Variants in FRMD6 observed in about 807,000 individuals in gnomAD.
FRMD6 encodes FERM domain containing 6, also known as FERM domain-containing protein 6.
In FRMD6, 37 loss-of-function variants were observed where a neutral mutation model predicts 73.2. That is an observed-to-expected ratio of 0.51 (90% confidence interval 0.39 to 0.66). The LOEUF is 0.66. FRMD6 is among the 30% of genes least tolerant of loss of function. FRMD6 has a pLI of 0.00. For synonymous variants in FRMD6, 273 were observed against 282.2 expected (o/e 0.97, Z 0.33); for missense variants, 714 against 780.5 (o/e 0.91, Z 1.02).
chr14:51,590,367 AT>A, intron 2 of FRMD6, among the ~76,000 whole-genome samples: 1 of 151,720 alleles, frequency 6.6e-6, no homozygotes, highest in African/African-American at 2.4e-5. Flanking sequence ...TACCAATATC[AT>A]TTGGCTATTT....
the FRMD6 span, among the ~76,000 whole-genome samples, chr14:51,409,644 G>C: frequency 1.3e-5 from 2 of 152,066 alleles, no homozygotes; most frequent in Non-Finnish European, 2.9e-5. Flanking sequence ...TATCACCCAG[G>C]TTGGGGTGCA....
At chr14:51,420,377 T>C in the FRMD6 span, among the ~76,000 whole-genome samples, 40 of 152,274 alleles carry the variant, frequency 2.6e-4, no homozygotes, top group Admixed American at 3.9e-4. Context: ...AGAAAACTGA[T>C]ATTGAGGGTT....
At chr14:51,436,796 G>A in the FRMD6 span, 1 of 542,290 alleles carries the variant, frequency 1.8e-6, no homozygotes, top group Admixed American at 2.6e-5. Context: ...TGAAGAAGGA[G>A]AAGGAGAAGA....
intron 1 of FRMD6, among the ~76,000 whole-genome samples, chr14:51,664,036 T>C (rs1014882370): frequency 1.6e-4 from 24 of 152,220 alleles, no homozygotes; most frequent in Admixed American, 2.0e-4. Flanking sequence ...ACATGAACTT[T>C]TGGGGGACAC....
chr14:51,425,630 A>G, the FRMD6 span, among the ~76,000 whole-genome samples: 5 of 152,062 alleles, frequency 3.3e-5, no homozygotes, highest in Admixed American at 6.6e-5. Flanking sequence ...TCTTCCTAAA[A>G]TGTGTCCCCT....
chr14:51,511,742 G>A (rs1884324202), intron 1 of FRMD6, among the ~76,000 whole-genome samples: 2 of 152,094 alleles, frequency 1.3e-5, no homozygotes, highest in African/African-American at 4.8e-5. Context: ...GGTGGACTAG[G>A]GGAGGGATAG....
At chr14:51,630,929 G>A (rs536115024) in intron 2 of FRMD6, among the ~76,000 whole-genome samples, 1 of 152,114 alleles carries the variant, frequency 6.6e-6, no homozygotes, top group South Asian at 2.1e-4. Context: ...GCTGCCATAT[G>A]TATATGCATA....
At chr14:51,690,441 A>G (rs1005523981) in intron 2 of FRMD6, among the ~76,000 whole-genome samples, 1 of 152,118 alleles carries the variant, frequency 6.6e-6, no homozygotes. Flanking sequence ...GCTGGAGTGT[A>G]GTGGCATGAT....
At chr14:51,431,085 T>C in the FRMD6 span, among the ~76,000 whole-genome samples, 2 of 152,206 alleles carry the variant, frequency 1.3e-5, no homozygotes, top group African/African-American at 4.8e-5. Context: ...TTGTTTTCTA[T>C]ATATACCCAG....
At chr14:51,455,136 G>A in the FRMD6 span, among the ~76,000 whole-genome samples, 1 of 152,176 alleles carries the variant, frequency 6.6e-6, no homozygotes, top group Non-Finnish European at 1.5e-5. Flanking sequence ...AAGTGTAACA[G>A]TTTCTTTACT....
At chr14:51,441,299 A>T in the FRMD6 span, among the ~76,000 whole-genome samples, 1 of 152,132 alleles carries the variant, frequency 6.6e-6, no homozygotes, top group Non-Finnish European at 1.5e-5. Context: ...AGGCCCTGAC[A>T]CTTCTATCAG....
chr14:51,413,048 T>C, the FRMD6 span, among the ~76,000 whole-genome samples: 2 of 148,732 alleles, frequency 1.3e-5, no homozygotes, highest in African/African-American at 5.0e-5. Context: ...TGGAGCGCAG[T>C]GGCGTGATCT....
chr14:51,563,932 A>C, intron 1 of FRMD6, among the ~76,000 whole-genome samples: 1 of 152,236 alleles, frequency 6.6e-6, no homozygotes, highest in Non-Finnish European at 1.5e-5. Context: ...TGCGATCGCA[A>C]GTCATAAACT....
chr14:51,537,810 T>G (rs1489229689), intron 1 of FRMD6, among the ~76,000 whole-genome samples: 3 of 152,218 alleles, frequency 2.0e-5, no homozygotes, highest in Non-Finnish European at 2.9e-5. Flanking sequence ...TACATCTTCT[T>G]TGGTGTGGTG....
chr14:51,633,621 A>AAAAG (rs143710280), intron 2 of FRMD6, among the ~76,000 whole-genome samples: 22,266 of 98,088 alleles, frequency 0.23, 4,283 homozygotes, highest in African/African-American at 0.32. Context: ...AAAAAAAAAA[A>AAAAG]GAAATAATTA....
At chr14:51,510,812 C>A (rs1214012818) in intron 1 of FRMD6, among the ~76,000 whole-genome samples, 2 of 152,212 alleles carry the variant, frequency 1.3e-5, no homozygotes, top group Non-Finnish European at 2.9e-5. Flanking sequence ...CTTTAGTTTT[C>A]TTTTCCCATA....
upstream of FRMD6, among the ~76,000 whole-genome samples, chr14:51,648,169 C>T (rs769076248): frequency 1.8e-4 from 28 of 152,102 alleles, no homozygotes; most frequent in Non-Finnish European, 2.9e-4. Context: ...TTTTTTTCTT[C>T]TAATATGCTA....
chr14:51,642,138 T>G (rs1247740142), intron 2 of FRMD6, among the ~76,000 whole-genome samples: 1 of 152,182 alleles, frequency 6.6e-6, no homozygotes, highest in East Asian at 1.9e-4. Flanking sequence ...TAGTCAGTCA[T>G]TAATGGCAAA....
the FRMD6 span, among the ~76,000 whole-genome samples, chr14:51,481,689 A>G: frequency 6.6e-6 from 1 of 152,224 alleles, no homozygotes; most frequent in African/African-American, 2.4e-5. Flanking sequence ...ACTGCAAGCA[A>G]CTTATATCCC....
Sources: allele counts gnomAD v4.1 joint callset (sites outside exome capture counted in the v4.1 genomes callset), GRCh38; gene constraint gnomAD v4.1.1; transcripts MANE v1.5; gene names NCBI Gene and HGNC (gene_info 2026-07-23, HGNC 2026-07-21).